Variants in TAF3 observed in about 807,000 individuals in gnomAD.
TAF3 encodes the protein TATA-box binding protein associated factor 3, also known as transcription initiation factor TFIID subunit 3.
Under a neutral mutation model 80.6 loss-of-function variants are expected in TAF3, and 7 were observed. The observed-to-expected ratio is 0.09, with a 90% CI of 0.05 to 0.16. The LOEUF (loss-of-function observed/expected upper bound fraction) is 0.16, where lower values mean the gene tolerates loss of function less well. Among genes scored for constraint, TAF3 ranks in the 10% least tolerant of loss-of-function variants. TAF3 has a pLI of 1.00. For missense variants in TAF3, 921 were observed against 1,140.2 expected, an observed-to-expected ratio of 0.81 and a Z score of 2.77; for synonymous variants, 444 against 446.1, an observed-to-expected ratio of 1.00 and a Z score of 0.06.
chr10:7,966,510 CT>C (rs1357890220), intron 3 of TAF3, among the ~76,000 whole-genome samples: 1 of 152,192 alleles, frequency 6.6e-6, no homozygotes, highest in African/African-American at 2.4e-5. Context: ...CCCAGCTTTG[CT>C]TTTCAGTCTG....
intron 2 of TAF3, among the ~76,000 whole-genome samples, chr10:7,891,313 G>A (rs908787015): frequency 6.6e-6 from 1 of 152,002 alleles, no homozygotes; most frequent in South Asian, 2.1e-4. Flanking sequence ...GAATGATTAA[G>A]GTGTACATAG....
intron 2 of TAF3, among the ~76,000 whole-genome samples, chr10:7,889,225 G>C (rs1837437502): frequency 6.6e-6 from 1 of 152,058 alleles, no homozygotes; most frequent in Non-Finnish European, 1.5e-5. Flanking sequence ...TTAAATCTTA[G>C]TATTGCTAGG....
intron 2 of TAF3, among the ~76,000 whole-genome samples, chr10:7,846,933 C>T (rs1475178594): frequency 6.6e-6 from 1 of 152,106 alleles, no homozygotes; most frequent in Non-Finnish European, 1.5e-5. Context: ...AGACCCAGAA[C>T]ATTATATTTC....
intron 2 of TAF3, among the ~76,000 whole-genome samples, chr10:7,937,603 C>T (rs958896170): frequency 3.9e-5 from 6 of 152,232 alleles, no homozygotes; most frequent in Admixed American, 2.0e-4. Context: ...TTATCAGATA[C>T]GCCTTGTAAA....
intron 4 of TAF3, among the ~76,000 whole-genome samples, chr10:8,000,960 TTG>T (rs1831938355): frequency 6.6e-6 from 1 of 152,254 alleles, no homozygotes; most frequent in South Asian, 2.1e-4. Context: ...GACATATCAT[TTG>T]TGTGTGTGCA....
intron 2 of TAF3, among the ~76,000 whole-genome samples, chr10:7,954,592 G>T (rs1322147389): frequency 7.3e-6 from 1 of 136,828 alleles, no homozygotes; most frequent in African/African-American, 2.6e-5. Flanking sequence ...GCACTCCATA[G>T]GTGAATGAAT....
intron 2 of TAF3, among the ~76,000 whole-genome samples, chr10:7,853,592 C>T (rs1837049938): frequency 6.6e-6 from 1 of 152,226 alleles, no homozygotes; most frequent in African/African-American, 2.4e-5. Context: ...ACATCATTGA[C>T]ACGTGAAATT....
intron 1 of TAF3, among the ~76,000 whole-genome samples, chr10:7,823,920 C>G (rs935751534): frequency 6.7e-6 from 1 of 150,204 alleles, no homozygotes; most frequent in Non-Finnish European, 1.5e-5. Context: ...CGTGAGCCAT[C>G]GCGCCCAGCT....
intron 2 of TAF3, among the ~76,000 whole-genome samples, chr10:7,880,605 G>C (rs1279510595): frequency 6.6e-6 from 1 of 152,118 alleles, no homozygotes; most frequent in Non-Finnish European, 1.5e-5. Context: ...TTTCCTTTAA[G>C]GGCCATTTCT....
chr10:7,902,747 G>A (rs59454036), intron 2 of TAF3, among the ~76,000 whole-genome samples: 32,398 of 151,984 alleles, frequency 0.21, 3,611 homozygotes, highest in East Asian at 0.3. Context: ...CTGATCCTCC[G>A]CGTTCATTTA....
At chr10:7,904,319 G>T (rs1837586929) in intron 2 of TAF3, among the ~76,000 whole-genome samples, 1 of 152,142 alleles carries the variant, frequency 6.6e-6, no homozygotes, top group Non-Finnish European at 1.5e-5. Context: ...AGCAAGACTG[G>T]TTCCTTTCTA....
rs956652776 is a variant in TAF3 at position 8,009,535 on chromosome 10, G to A, written c.2568+205G>A. On this transcript the variant is annotated intron_variant, in intron 5 of 6. Transcript: ENST00000344293. The surrounding 1 kb of genome is among the most constrained non-coding windows in gnomAD (Gnocchi z 4.1). ...AGCTCACTGCAACCTCAAACTCCTG[G>A]GCCCAAGCGATCCTCCTGCATTAGC... Among the ~76,000 whole-genome samples the A allele has an allele frequency of 1.3e-5, 2 of 152,130 alleles. No homozygotes were observed. The highest frequency in any genetic ancestry group is 4.8e-5 in the African/African-American group (2 of 41,422).
intron 2 of TAF3, among the ~76,000 whole-genome samples, chr10:7,957,684 G>A (rs147764880): frequency 5.8e-4 from 87 of 151,218 alleles, no homozygotes; most frequent in Middle Eastern, 3.4e-3. Context: ...CTTTTCTCCC[G>A]TTTCAGAACA....
chr10:7,876,156 G>A (rs2151017), intron 2 of TAF3, among the ~76,000 whole-genome samples: 43,683 of 151,930 alleles, frequency 0.29, 7,578 homozygotes, highest in Non-Finnish European at 0.38. Context: ...ATTTTGTGCG[G>A]TGTTTTATAT....
intron 4 of TAF3, among the ~76,000 whole-genome samples, chr10:8,008,179 C>T (rs1482666625): frequency 6.6e-6 from 1 of 150,444 alleles, no homozygotes; most frequent in African/African-American, 2.5e-5. Context: ...TCACTGTAAC[C>T]TCTGCCTCCT....
At chr10:7,819,019 G>A (rs1303301909) in intron 1 of TAF3, 144 bp downstream of exon 1, 18 of 826,768 alleles carry the variant, frequency 2.2e-5, no homozygotes, top group Non-Finnish European at 2.9e-5. Context: ...CACGTCCCTG[G>A]GCTTCCACTG....
intron 2 of TAF3, among the ~76,000 whole-genome samples, chr10:7,896,598 G>C (rs1837506858): frequency 6.6e-6 from 1 of 152,196 alleles, no homozygotes; most frequent in South Asian, 2.1e-4. Flanking sequence ...TAGCTAAGTT[G>C]CAGTAAGTGG....
At chr10:7,995,125 A>G (rs1318513241) in intron 4 of TAF3, among the ~76,000 whole-genome samples, 2 of 152,174 alleles carry the variant, frequency 1.3e-5, no homozygotes, top group African/African-American at 4.8e-5. Context: ...AAATGAAGTT[A>G]AAGACTAAGG....
chr10:7,985,461 C>T (rs117156198), intron 4 of TAF3, among the ~76,000 whole-genome samples: 507 of 152,302 alleles, frequency 3.3e-3, no homozygotes, highest in Non-Finnish European at 5.8e-3. Flanking sequence ...TTCATCAAGC[C>T]TTCCCTCTGT....
Sources: allele counts gnomAD v4.1 joint callset (sites outside exome capture counted in the v4.1 genomes callset), GRCh38; gene constraint gnomAD v4.1.1; non-coding constraint Gnocchi (gnomAD v3.1); transcripts MANE v1.5; gene names NCBI Gene and HGNC (gene_info 2026-07-23, HGNC 2026-07-21).